Variants in DENND5B observed in about 807,000 individuals in gnomAD.
The protein encoded by DENND5B is DENN domain-containing protein 5B.
In DENND5B, 34 loss-of-function variants were observed where a neutral mutation model predicts 140.6. The ratio of observed to expected loss-of-function variants is 0.24; its 90% CI spans 0.18 to 0.32. The LOEUF is 0.32. Among genes scored for constraint, DENND5B ranks in the 10% least tolerant of loss-of-function variants. DENND5B has a pLI of 1.00. For missense variants in DENND5B, 1,142 were observed against 1,560.2 expected (o/e 0.73, Z 4.52); for synonymous variants, 551 against 562.1 (o/e 0.98, Z 0.28).
At chr12:31,456,701 A>G (rs1286755426) in intron 4 of DENND5B, among the ~76,000 whole-genome samples, 1 of 152,238 alleles carries the variant, frequency 6.6e-6, no homozygotes, top group Non-Finnish European at 1.5e-5. Flanking sequence ...AGACTAATGC[A>G]GCTCTCTTCA....
At chr12:31,483,602 G>A (rs1946164394) in intron 2 of DENND5B, among the ~76,000 whole-genome samples, 1 of 151,776 alleles carries the variant, frequency 6.6e-6, no homozygotes, top group African/African-American at 2.4e-5. Context: ...CACTGCACCT[G>A]GCTAATTTCT....
intron 2 of DENND5B, among the ~76,000 whole-genome samples, chr12:31,491,018 G>A (rs912248675): frequency 3.9e-5 from 6 of 152,048 alleles, no homozygotes; most frequent in African/African-American, 9.7e-5. Flanking sequence ...TATTGACCAT[G>A]TTTTCTTCCT....
At chr12:31,412,359 C>T (rs1226797606) in intron 13 of DENND5B, among the ~76,000 whole-genome samples, 3 of 152,126 alleles carry the variant, frequency 2.0e-5, no homozygotes, top group Non-Finnish European at 2.9e-5. Context: ...ACCTTTTTGG[C>T]GCCAGGGACC....
intron 1 of DENND5B, among the ~76,000 whole-genome samples, chr12:31,518,990 T>C (rs2138985265): frequency 6.6e-6 from 1 of 152,344 alleles, no homozygotes; most frequent in Admixed American, 6.5e-5. Context: ...AACAAAGCTC[T>C]TCAGGAAAGG....
intron 7 of DENND5B, among the ~76,000 whole-genome samples, chr12:31,441,515 G>A (rs913557238): frequency 1.3e-5 from 2 of 148,760 alleles, no homozygotes; most frequent in South Asian, 2.2e-4. Context: ...ACAGGGCCTC[G>A]CTGTGTTGCC....
chr12:31,384,859 T>G lies in DENND5B; in HGVS notation c.*2744A>C, dbSNP rs1164697867. 3 of 151,738 alleles carry G rather than the reference T, an allele frequency of 2.0e-5. No individual in the cohort carries two copies. The highest frequency in any genetic ancestry group is 4.8e-5 in the African/African-American group (2 of 41,340). 9.4% of individuals were successfully genotyped at this position (151,738 alleles called of 1,614,324 possible). Reference sequence around the variant, plus strand: ...TCGGCTCACTGCAACCTCCACCTCCTGTGTTTAAACGATTCTCCTGCTTCA... The same window carrying G: ...TCGGCTCACTGCAACCTCCACCTCCGGTGTTTAAACGATTCTCCTGCTTCA... On this transcript the variant is annotated 3_prime_UTR_variant, in exon 21 of 21. Coordinates refer to ENST00000389082, the MANE Select transcript of DENND5B (RefSeq NM_144973.4).
At chr12:31,470,520 G>C (rs1254013408) in intron 3 of DENND5B, among the ~76,000 whole-genome samples, 2 of 152,156 alleles carry the variant, frequency 1.3e-5, no homozygotes, top group Non-Finnish European at 2.9e-5. Flanking sequence ...AGAGTGCTGG[G>C]ATTACAGGTG....
intron 7 of DENND5B, among the ~76,000 whole-genome samples, chr12:31,440,745 G>T (rs1350414130): frequency 1.3e-5 from 2 of 152,108 alleles, no homozygotes; most frequent in Non-Finnish European, 2.9e-5. Flanking sequence ...GCTCACTGCA[G>T]CCTAGACCTC....
intron 8 of DENND5B, chr12:31,432,238 T>A (rs1019134795): frequency 9.0e-5 from 39 of 431,020 alleles, no homozygotes; most frequent in Non-Finnish European, 1.2e-4. Context: ...AGCATGCATA[T>A]GATAAAATCA....
At chr12:31,516,844 T>A (rs751169038) in intron 1 of DENND5B, among the ~76,000 whole-genome samples, 3 of 152,008 alleles carry the variant, frequency 2.0e-5, no homozygotes, top group Non-Finnish European at 4.4e-5. Flanking sequence ...GAGACTGAAG[T>A]GGGAGGGCTG....
At chr12:31,407,127 AATTTATTT>A (rs1250688515) in intron 14 of DENND5B, among the ~76,000 whole-genome samples, 2 of 150,758 alleles carry the variant, frequency 1.3e-5, no homozygotes, top group African/African-American at 4.9e-5. Flanking sequence ...TTAATTAATT[AATTTATTT>A]ATTTATTTAT....
At chr12:31,517,832 T>G (rs1591967653) in intron 1 of DENND5B, among the ~76,000 whole-genome samples, 1 of 152,264 alleles carries the variant, frequency 6.6e-6, no homozygotes, top group Non-Finnish European at 1.5e-5. Context: ...GTCTAAGAAG[T>G]CAAATGACAC....
At position 31,415,009 on chromosome 12, in the gene DENND5B, G is replaced by A. The variant is rs1049904686; in HGVS notation, c.2552+358C>T. On this transcript the variant is annotated intron_variant, in intron 12 of 20. Transcript: ENST00000389082. The stretch of plus-strand genomic sequence containing the variant: ...AGGTGCCTGTAATTCTAGCGACTTG[G>A]GAGGCTGAGGCAGAAGGATTGCTTG... Among the ~76,000 whole-genome samples, 17 of 152,082 alleles carry A rather than the reference G, an allele frequency of 1.1e-4. No individual in the cohort carries two copies. The East Asian group carries it at 3.1e-3, about 28-fold the overall frequency.
At chr12:31,415,475 T>C (rs770695275) in intron 11 of DENND5B, 27 bp from the exon 12 acceptor site, 1 of 1,524,252 alleles carries the variant, frequency 6.6e-7, no homozygotes, top group Non-Finnish European at 8.9e-7. Context: ...CAACAAAATA[T>C]TAGAAAAGTA....
At chr12:31,565,514 G>A (rs1473574185) in intron 1 of DENND5B, among the ~76,000 whole-genome samples, 2 of 152,206 alleles carry the variant, frequency 1.3e-5, no homozygotes, top group Non-Finnish European at 1.5e-5. Context: ...AACAAAATCT[G>A]TAATTTTCAT....
At chr12:31,469,346 A>AAAGAAG (rs527879588) in intron 3 of DENND5B, among the ~76,000 whole-genome samples, 1 of 130,224 alleles carries the variant, frequency 7.7e-6, no homozygotes. Flanking sequence ...AAAAAAAAAA[A>AAAGAAG]AAGAAGAAGA....
chr12:31,396,053 C>CCTGTTTTTTTT (rs1399702795), intron 17 of DENND5B, among the ~76,000 whole-genome samples: 4 of 102,860 alleles, frequency 3.9e-5, no homozygotes, highest in South Asian at 3.3e-4. Context: ...GTTGGCATTC[C>CCTGTTTTTTTT]TTGTTTTTTT....
chr12:31,461,694 G>A (rs1945027928), intron 3 of DENND5B, among the ~76,000 whole-genome samples: 2 of 152,160 alleles, frequency 1.3e-5, no homozygotes, highest in Admixed American at 6.6e-5. Flanking sequence ...TTTGGTTCAG[G>A]TCTGGTTTTG....
At chr12:31,398,937 CA>C in intron 16 of DENND5B, among the ~76,000 whole-genome samples, 1 of 151,742 alleles carries the variant, frequency 6.6e-6, no homozygotes. Flanking sequence ...GCCTGGCCAA[CA>C]TAGCAAAACC....
Sources: gnomAD v4.1 joint callset for allele counts (sites outside exome capture counted in the v4.1 genomes callset) on GRCh38, gnomAD v4.1.1 for gene constraint, MANE v1.5 for transcripts, NCBI Gene and HGNC (gene_info 2026-07-23, HGNC 2026-07-21) for gene names.